TACC2: variants seen among roughly 807,000 people sequenced by gnomAD.
TACC2 encodes the protein transforming acidic coiled-coil-containing protein 2.
TACC2 carries 137 observed loss-of-function variants against 227.3 expected under a neutral mutation model. The observed-to-expected ratio is 0.60, with a 90% CI of 0.52 to 0.69. The LOEUF (loss-of-function observed/expected upper bound fraction) is 0.69, where lower values mean the gene tolerates loss of function less well. Ranked by LOEUF, TACC2 falls within the 30% of genes least tolerant of loss-of-function variation. TACC2 has a pLI of 0.00. For synonymous variants in TACC2, 1,523 were observed against 1,487.5 expected (o/e 1.02, Z -0.55); for missense variants, 3,470 against 3,694.4 (o/e 0.94, Z 1.57).
intron 2 of TACC2, chr10:122,033,120 C>A: frequency 1.6e-6 from 2 of 1,289,416 alleles, no homozygotes; most frequent in South Asian, 2.5e-5. Flanking sequence ...TGCATAACGT[C>A]ATTCTGTGGC....
chr10:122,054,226 G>C (rs535356141), intron 3 of TACC2, among the ~76,000 whole-genome samples: 1 of 152,210 alleles, frequency 6.6e-6, no homozygotes, highest in Non-Finnish European at 1.5e-5. Flanking sequence ...ACGTGGTGGC[G>C]CTGTTGTAAC....
intron 5 of TACC2, among the ~76,000 whole-genome samples, chr10:122,094,786 C>T (rs1278994588): frequency 6.6e-6 from 1 of 152,194 alleles, no homozygotes; most frequent in Non-Finnish European, 1.5e-5. Flanking sequence ...GGAAGAGCCG[C>T]TCACTGCCAC....
At position 122,020,312 on chromosome 10, in the gene TACC2, T is replaced by TTGTG. The variant is rs10556316; in HGVS notation, c.-45-1601_-45-1598dup. ...ATTTTTACGTTCTCTGAGCATGTGA[T>TTGTG]TGTGTGTGTGTGTGTGTGTGTGTGT... On this transcript the variant is annotated intron_variant, in intron 1 of 22. Transcript: ENST00000369005. Among the ~76,000 whole-genome samples, 541 of 150,548 alleles carry TTGTG rather than the reference T, an allele frequency of 3.6e-3. 1 individual carries two copies. The highest frequency in any genetic ancestry group is 8.7e-3 in the African/African-American group (356 of 41,042).
chr10:122,169,027 A>G (rs2093340597), intron 7 of TACC2, among the ~76,000 whole-genome samples: 2 of 152,224 alleles, frequency 1.3e-5, no homozygotes, highest in Non-Finnish European at 1.5e-5. Flanking sequence ...CAGGTTGGAC[A>G]GGGGTTTAGG....
chr10:122,062,367 C>T (rs182713792), intron 3 of TACC2, among the ~76,000 whole-genome samples: 5 of 151,380 alleles, frequency 3.3e-5, no homozygotes, highest in African/African-American at 4.9e-5. Context: ...AGTACAATGA[C>T]GCCATCTTGG....
intron 7 of TACC2, among the ~76,000 whole-genome samples, chr10:122,159,136 G>A (rs1333126288): frequency 1.4e-5 from 2 of 142,846 alleles, no homozygotes; most frequent in Non-Finnish European, 3.1e-5. Context: ...TGGAGGAATT[G>A]AGAGAGATGC....
chr10:122,062,539 C>G (rs181593031), intron 3 of TACC2, among the ~76,000 whole-genome samples: 19 of 151,762 alleles, frequency 1.3e-4, no homozygotes, highest in African/African-American at 4.6e-4. Context: ...GTCTCGAACT[C>G]CCGACCTTAG....
rs180755609 is a variant in TACC2 at position 122,184,817 on chromosome 10, T to C, written c.5835-10223T>C. Among the ~76,000 whole-genome samples the C allele has an allele frequency of 7.9e-5, 12 of 152,274 alleles. No homozygotes were observed. The East Asian group carries it at 2.3e-3, about 29-fold the overall frequency. On this transcript the variant is annotated intron_variant, in intron 7 of 22. Transcript: ENST00000369005. Reference sequence around the variant, plus strand: ...AATTTGCTGGGTTTTTTTTCCTACTTATCACCTAACTGGGAGTTATCCTGA... The same window carrying C: ...AATTTGCTGGGTTTTTTTTCCTACTCATCACCTAACTGGGAGTTATCCTGA...
intron 7 of TACC2, among the ~76,000 whole-genome samples, chr10:122,157,933 T>G (rs1416137448): frequency 1.3e-4 from 20 of 150,834 alleles, no homozygotes. Flanking sequence ...GTGTTACTGA[T>G]TTTTTTTTTC....
At chr10:122,217,437 CTTTTTTT>C (rs35233150) in intron 11 of TACC2, among the ~76,000 whole-genome samples, 7 of 93,256 alleles carry the variant, frequency 7.5e-5, no homozygotes, top group African/African-American at 1.5e-4. Flanking sequence ...TTTCTTTTTT[CTTTTTTT>C]TTTTTTTTTT....
intron 7 of TACC2, among the ~76,000 whole-genome samples, chr10:122,152,437 C>G (rs1207822504): frequency 6.6e-6 from 1 of 152,234 alleles, no homozygotes; most frequent in Non-Finnish European, 1.5e-5. Flanking sequence ...TCTGCTCAAA[C>G]CACAGGGAGA....
At position 122,237,518 on chromosome 10, in the gene TACC2, C is replaced by G. The variant is rs745600319; in HGVS notation, c.8251C>G (p.Leu2751Val). 1.2e-6 allele frequency: 2 copies of G among 1,613,544 alleles called. No individual in the cohort carries two copies. Among genetic ancestry groups the G allele is most frequent in the Admixed American group, 1.7e-5 (1 of 59,976 alleles). ...CCAGCAGCCCGACCTGGACTCTGCC[C>G]TCCAGATCGCCAGAGCAGAGGTATC... ...LFQQPDLDSA[L>V]QIARAEIITK... is the part of the protein sequence containing the mutation. Residue 2751 changes from leucine (L) to valine (V), a missense_variant, in exon 17 of 23, where the codon CTC (leucine) becomes GTC (valine). Around this residue, in one of 10 missense-constraint regions of TACC2, gnomAD observed 345 missense variants for 354.4 expected, o/e 0.97. Transcript: ENST00000369005.
chr10:122,125,794 T>TTTTTA (rs2086726106), intron 5 of TACC2, among the ~76,000 whole-genome samples: 2 of 145,908 alleles, frequency 1.4e-5, no homozygotes, highest in African/African-American at 2.6e-5. Flanking sequence ...TTTTTTTTTT[T>TTTTTA]GAGAGGGAGT....
chr10:122,060,294 G>A (rs1317283628), intron 3 of TACC2, among the ~76,000 whole-genome samples: 1 of 152,118 alleles, frequency 6.6e-6, no homozygotes, highest in Non-Finnish European at 1.5e-5. Flanking sequence ...CAAAGAAGGG[G>A]CCCAGGTAGA....
At chr10:122,081,171 T>C (rs113661976) in intron 3 of TACC2, among the ~76,000 whole-genome samples, 3 of 152,294 alleles carry the variant, frequency 2.0e-5, no homozygotes, top group African/African-American at 7.2e-5. Flanking sequence ...CTGATTTTTT[T>C]TTCCTACATT....
intron 2 of TACC2, 151 bp downstream of exon 2, chr10:122,022,165 C>T (rs1037683309): frequency 1.5e-6 from 1 of 667,368 alleles, no homozygotes; most frequent in African/African-American, 1.8e-5. Flanking sequence ...ATCTATGCAG[C>T]CATTTTTCAT....
At chr10:122,215,595 G>A (rs1228963116) in intron 10 of TACC2, 144 bp downstream of exon 10, 2 of 722,512 alleles carry the variant, frequency 2.8e-6, no homozygotes, top group African/African-American at 1.8e-5. Flanking sequence ...GTCCCTCGAT[G>A]TTTGCTTCAC....
intron 7 of TACC2, among the ~76,000 whole-genome samples, chr10:122,172,547 G>T (rs188876562): frequency 1.3e-5 from 2 of 152,348 alleles, no homozygotes; most frequent in East Asian, 3.9e-4. Context: ...GCCTACAGTG[G>T]TCTGGAAGTA....
rs376160819 is a variant in TACC2 at position 122,143,714 on chromosome 10, G to A, written c.5834+8G>A. ...GGCCAAGGACCTCAGCAGGTATTGC[G>A]CAAGTCCCCCTCCACAGCACCTGCC... On this transcript the variant is annotated splice_region_variant and intron_variant, in intron 7 of 22. Transcript: ENST00000369005. 8.1e-5 allele frequency: 131 copies of A among 1,612,900 alleles called. 1 individual carries two copies. In the Middle Eastern group the frequency reaches 9.9e-4, roughly 12 times the overall value.
Sources: gnomAD v4.1 joint callset for allele counts (sites outside exome capture counted in the v4.1 genomes callset) on GRCh38, gnomAD v4.1.1 for gene constraint, gnomAD v4.1.1 regional missense constraint, MANE v1.5 for transcripts, NCBI Gene and HGNC (gene_info 2026-07-23, HGNC 2026-07-21) for gene names.